The following SUCLG2 variants were observed in gnomAD, a reference collection of about 807,000 sequenced individuals.
SUCLG2 encodes succinate-CoA ligase GDP-forming subunit beta.
Under a neutral mutation model 47.9 loss-of-function variants are expected in SUCLG2, and 42 were observed. That is an observed-to-expected ratio of 0.88 (90% confidence interval 0.69 to 1.14). The LOEUF is 1.14. Among genes scored for constraint, SUCLG2 ranks in the 50% most tolerant of loss-of-function variants. The pLI, the probability that SUCLG2 is intolerant of heterozygous loss-of-function variation, is 0.00. For synonymous variants in SUCLG2, 195 were observed against 197.3 expected (o/e 0.99, Z 0.10); for missense variants, 571 against 525.9 (o/e 1.09, Z -0.84).
intron 9 of SUCLG2, among the ~76,000 whole-genome samples, chr3:67,480,544 A>G (rs1704886108): frequency 3.3e-5 from 5 of 152,202 alleles, no homozygotes. Flanking sequence ...AGCCTCCATC[A>G]TAGCATGGCA....
At chr3:67,373,505 A>G (rs980022264), downstream of SUCLG2, among the ~76,000 whole-genome samples, 3 of 152,132 alleles carry the variant, frequency 2.0e-5, no homozygotes, top group Non-Finnish European at 4.4e-5. Context: ...GCCAAACCAT[A>G]TCAGGTAGTT....
intron 9 of SUCLG2, among the ~76,000 whole-genome samples, chr3:67,483,018 C>T (rs1236510374): frequency 6.6e-6 from 1 of 152,064 alleles, no homozygotes; most frequent in African/African-American, 2.4e-5. Flanking sequence ...ATAATTAACT[C>T]GGATTTGTAC....
Position 67,495,813 on chromosome 3 carries a change from G to A in SUCLG2, c.1047C>T (p.Leu349=). The change falls in exon 9 of 11, where the codon CTC becomes CTT. Residue 349 remains leucine, a synonymous_variant. Coordinates refer to ENST00000307227, the MANE Select transcript of SUCLG2 (RefSeq NM_003848.4). ...EAQVYQAFKL[L]TADPKVEAIL... Reference sequence around the variant, plus strand: ...GAAAGGTTACCTTAGGATCAGCTGTGAGCAATTTGAATGCTTGATATACTT... The same window carrying A: ...GAAAGGTTACCTTAGGATCAGCTGTAAGCAATTTGAATGCTTGATATACTT... 2 of 1,613,872 alleles carry A rather than the reference G, an allele frequency of 1.2e-6. No individual in the cohort carries two copies. The highest frequency in any genetic ancestry group is 1.7e-6 in the Non-Finnish European group (2 of 1,179,956).
intron 2 of SUCLG2, among the ~76,000 whole-genome samples, chr3:67,563,005 TTA>T (rs1374620689): frequency 6.6e-6 from 1 of 151,390 alleles, no homozygotes; most frequent in Non-Finnish European, 1.5e-5. Context: ...AATAAAGTAA[TTA>T]TATGTTTGAT....
chr3:67,550,054 C>T (rs1047349849), intron 2 of SUCLG2, among the ~76,000 whole-genome samples: 1 of 152,290 alleles, frequency 6.6e-6, no homozygotes, highest in Admixed American at 6.5e-5. Context: ...AATAAAGTAA[C>T]GGGCAAAATT....
At chr3:67,403,995 C>T (rs564220434) in intron 9 of SUCLG2, among the ~76,000 whole-genome samples, 9 of 152,192 alleles carry the variant, frequency 5.9e-5, no homozygotes, top group Non-Finnish European at 1.2e-4. Flanking sequence ...AAGTGGTTCT[C>T]ATACCTCAGC....
chr3:67,456,647 C>A (rs1559533429), intron 9 of SUCLG2, among the ~76,000 whole-genome samples: 1 of 152,132 alleles, frequency 6.6e-6, no homozygotes, highest in Non-Finnish European at 1.5e-5. Flanking sequence ...AGGAAAGAAT[C>A]AAAATCAGTT....
At chr3:67,473,078 A>G (rs1704644334) in intron 9 of SUCLG2, among the ~76,000 whole-genome samples, 1 of 152,230 alleles carries the variant, frequency 6.6e-6, no homozygotes, top group South Asian at 2.1e-4. Context: ...TTAATTTTTA[A>G]AAATATGCAT....
chr3:67,609,009 CCT>C (rs1164779448), intron 2 of SUCLG2, among the ~76,000 whole-genome samples: 21 of 152,264 alleles, frequency 1.4e-4, no homozygotes, highest in African/African-American at 4.8e-4. Flanking sequence ...AGGCCAAGTG[CCT>C]CCAGTGAGTG....
intron 2 of SUCLG2, among the ~76,000 whole-genome samples, chr3:67,561,529 C>T (rs1341348428): frequency 1.3e-5 from 2 of 152,062 alleles, no homozygotes; most frequent in Non-Finnish European, 2.9e-5. Context: ...GCTAAATAAC[C>T]GTTCCAACAA....
At chr3:67,377,001 A>G (rs1702047348) in intron 10 of SUCLG2, among the ~76,000 whole-genome samples, 1 of 152,220 alleles carries the variant, frequency 6.6e-6, no homozygotes, top group South Asian at 2.1e-4. Flanking sequence ...TTGTTTCCAT[A>G]CAGAGCACTA....
chr3:67,648,365 C>G (rs1432671917), intron 1 of SUCLG2, among the ~76,000 whole-genome samples: 1 of 152,186 alleles, frequency 6.6e-6, no homozygotes, highest in Non-Finnish European at 1.5e-5. Flanking sequence ...ACACCTTCAT[C>G]AGCACAAGTC....
At chr3:67,403,771 G>A (rs1702742087) in intron 9 of SUCLG2, among the ~76,000 whole-genome samples, 1 of 152,200 alleles carries the variant, frequency 6.6e-6, no homozygotes, top group South Asian at 2.1e-4. Flanking sequence ...TTAGTTCGCT[G>A]AGGAACTAAT....
chr3:67,487,299 G>T (rs912911578), intron 9 of SUCLG2, among the ~76,000 whole-genome samples: 1 of 152,068 alleles, frequency 6.6e-6, no homozygotes, highest in African/African-American at 2.4e-5. Context: ...GGGAAACTAA[G>T]TAAATCATAG....
chr3:67,442,243 C>T (rs975290819), intron 9 of SUCLG2, among the ~76,000 whole-genome samples: 1 of 152,058 alleles, frequency 6.6e-6, no homozygotes, highest in Non-Finnish European at 1.5e-5. Context: ...ATCTCCTGAC[C>T]TCGTGATCCG....
chr3:67,388,225 T>C (rs1702301436), intron 10 of SUCLG2, among the ~76,000 whole-genome samples: 1 of 152,190 alleles, frequency 6.6e-6, no homozygotes, highest in South Asian at 2.1e-4. Flanking sequence ...AAAATATACA[T>C]AGTGACCCTT....
intron 9 of SUCLG2, among the ~76,000 whole-genome samples, chr3:67,458,748 G>T (rs1424210004): frequency 6.6e-6 from 1 of 152,222 alleles, no homozygotes; most frequent in African/African-American, 2.4e-5. Context: ...CAGTCAGGAA[G>T]AGACGGCTGA....
Position 67,445,747 on chromosome 3 carries a change from T to C in SUCLG2, c.1063-44896A>G, listed in dbSNP as rs2106924488. On this transcript the variant is annotated intron_variant, in intron 9 of 10. Transcript: ENST00000307227. ...TTCTGCTCAGTGTAAAAGTGGTTAT[T>C]AAAGTTATTTTGAAAAATTTCATTT... is the stretch of plus-strand genomic sequence containing the variant. Among the ~76,000 whole-genome samples the C allele has an allele frequency of 3.7e-5, 2 of 54,488 alleles. 1 individual carries two copies. The highest frequency in any genetic ancestry group is 0.016 in the Middle Eastern group (2 of 122). The allele number at this position is 54,488 out of a possible 152,430, so 35.7% of individuals were successfully genotyped here. A position where few individuals can be genotyped will look rare whatever the true frequency, so the allele number is the denominator to read the frequency against.
rs1702025810 is a variant in SUCLG2 at position 67,375,847 on chromosome 3, T to TG, written c.1195dup (p.Gln399ProfsTer19). ...GTTGTTGAGTATCTTCTGGGCCTCTTGGACGTTGGTTCCTAGAAGGGGGAC... is the reference window on the plus strand; with the variant it reads ...GTTGTTGAGTATCTTCTGGGCCTCTTGGGACGTTGGTTCCTAGAAGGGGGAC... On this transcript the variant is annotated frameshift_variant, in exon 11 of 11. Coordinates refer to ENST00000307227, the MANE Select transcript of SUCLG2 (RefSeq NM_003848.4). LOFTEE classifies it high-confidence loss of function. 1 of 1,613,482 alleles carries TG rather than the reference T, an allele frequency of 6.2e-7. No homozygotes were observed. The highest frequency in any genetic ancestry group is 1.7e-5 in the Admixed American group (1 of 59,960).
Sources: allele counts gnomAD v4.1 joint callset (sites outside exome capture counted in the v4.1 genomes callset), GRCh38; gene constraint gnomAD v4.1.1; transcripts MANE v1.5; gene names NCBI Gene and HGNC (gene_info 2026-07-23, HGNC 2026-07-21).